The following NOL4 variants were observed in gnomAD, a reference collection of about 807,000 sequenced individuals.
The protein encoded by NOL4 is cancer/testis antigen 125.
Under a neutral mutation model 75.9 loss-of-function variants are expected in NOL4, and 17 were observed. The ratio of observed to expected loss-of-function variants is 0.22; its 90% CI spans 0.15 to 0.34. NOL4 has a LOEUF of 0.34. NOL4 is among the 10% of genes least tolerant of loss of function. The probability of loss-of-function intolerance (pLI) is 1.00; values close to 1 mark genes in which losing one functional copy is unlikely to be tolerated. For missense variants in NOL4, 614 were observed against 793.5 expected (o/e 0.77, Z 2.72); for synonymous variants, 292 against 289.9 (o/e 1.01, Z -0.07).
At chr18:33,933,082 C>A (rs2067810688) in intron 9 of NOL4, among the ~76,000 whole-genome samples, 1 of 152,068 alleles carries the variant, frequency 6.6e-6, no homozygotes, top group South Asian at 2.1e-4. Context: ...CGTTCTAGAC[C>A]ACTGCAATAA....
chr18:34,162,963 C>T (rs892619431), intron 1 of NOL4, among the ~76,000 whole-genome samples: 1 of 152,156 alleles, frequency 6.6e-6, no homozygotes, highest in Non-Finnish European at 1.5e-5. Context: ...TGTAATCCAG[C>T]ATATAAACAG....
chr18:34,090,654 A>G (rs901752731), intron 5 of NOL4, among the ~76,000 whole-genome samples: 1 of 151,160 alleles, frequency 6.6e-6, no homozygotes, highest in Admixed American at 6.6e-5. Context: ...ATGGCACCAG[A>G]AAAAAAAAGG....
At chr18:34,086,834 G>C (rs1444585137) in intron 5 of NOL4, among the ~76,000 whole-genome samples, 1 of 152,056 alleles carries the variant, frequency 6.6e-6, no homozygotes. Flanking sequence ...AAATTTCTTA[G>C]AGTAGAATAG....
chr18:33,873,706 A>G (rs148213293), intron 10 of NOL4, among the ~76,000 whole-genome samples: 13 of 152,146 alleles, frequency 8.5e-5, no homozygotes, highest in African/African-American at 3.1e-4. Flanking sequence ...TCCATTTAAT[A>G]TTTATTGAAC....
At chr18:34,159,780 G>T (rs191461222) in intron 1 of NOL4, among the ~76,000 whole-genome samples, 46 of 152,102 alleles carry the variant, frequency 3.0e-4, no homozygotes, top group Non-Finnish European at 5.3e-4. Flanking sequence ...TGCCCTTCCC[G>T]GGTGTCTGGG....
intron 9 of NOL4, among the ~76,000 whole-genome samples, chr18:33,907,604 A>G (rs1001340269): frequency 5.9e-5 from 9 of 152,264 alleles, no homozygotes; most frequent in South Asian, 2.1e-4. Context: ...ACATTTTTTT[A>G]TAGGAGTTAA....
At chr18:33,865,555 T>C (rs901533672) in intron 10 of NOL4, among the ~76,000 whole-genome samples, 2 of 151,872 alleles carry the variant, frequency 1.3e-5, no homozygotes, top group South Asian at 4.1e-4. Flanking sequence ...TCTGGGTCAC[T>C]GCTATAAAAA....
chr18:34,067,822 T>C (rs1377403776), intron 5 of NOL4, among the ~76,000 whole-genome samples: 1 of 152,096 alleles, frequency 6.6e-6, no homozygotes, highest in African/African-American at 2.4e-5. Flanking sequence ...TTTAATTTTG[T>C]GCCTGAATGG....
chr18:33,973,203 G>C (rs2071219309), intron 6 of NOL4, among the ~76,000 whole-genome samples: 1 of 152,130 alleles, frequency 6.6e-6, no homozygotes. Flanking sequence ...TCTTTACCAG[G>C]AGTAGATGCT....
chr18:33,940,282 G>A (rs990572274), intron 9 of NOL4, among the ~76,000 whole-genome samples: 11 of 152,044 alleles, frequency 7.2e-5, no homozygotes, highest in Non-Finnish European at 1.3e-4. Flanking sequence ...ATTCACAATA[G>A]CAAAGACTTG....
chr18:34,059,876 G>C (rs2077000146), intron 5 of NOL4, among the ~76,000 whole-genome samples: 1 of 152,124 alleles, frequency 6.6e-6, no homozygotes, highest in Admixed American at 6.5e-5. Flanking sequence ...CACCCGGAGA[G>C]AAACAGACCC....
At chr18:34,008,968 G>A (rs961035579) in intron 6 of NOL4, among the ~76,000 whole-genome samples, 1 of 151,912 alleles carries the variant, frequency 6.6e-6, no homozygotes, top group Admixed American at 6.6e-5. Flanking sequence ...CAAGCTTCAC[G>A]CATGTAAATC....
intron 1 of NOL4, among the ~76,000 whole-genome samples, chr18:34,204,159 C>G (rs1000278728): frequency 6.6e-6 from 1 of 152,014 alleles, no homozygotes; most frequent in African/African-American, 2.4e-5. Flanking sequence ...CCTTATTATT[C>G]TGCAATAACA....
At chr18:34,072,661 G>T (rs149937150) in intron 5 of NOL4, among the ~76,000 whole-genome samples, 1 of 152,016 alleles carries the variant, frequency 6.6e-6, no homozygotes, top group African/African-American at 2.4e-5. Context: ...TTTCATGTGC[G>T]CACGAACATT....
At chr18:34,150,654 A>G (rs80207073) in intron 1 of NOL4, among the ~76,000 whole-genome samples, 5,196 of 151,862 alleles carry the variant, frequency 0.034, 93 homozygotes, top group Middle Eastern at 0.048. Flanking sequence ...AGATAAAATA[A>G]GAGAAAATCT....
At chr18:34,182,094 A>G (rs2034088570) in intron 1 of NOL4, among the ~76,000 whole-genome samples, 1 of 151,662 alleles carries the variant, frequency 6.6e-6, no homozygotes, top group Non-Finnish European at 1.5e-5. Context: ...ATATCAGCAC[A>G]AAAACTTATA....
chr18:33,859,810 T>C (rs940105192), intron 10 of NOL4, among the ~76,000 whole-genome samples: 10 of 151,944 alleles, frequency 6.6e-5, no homozygotes, highest in Non-Finnish European at 1.2e-4. Flanking sequence ...TCCCAGCTAA[T>C]TGGGAGGCTA....
At chr18:34,145,405 G>A (rs1344927043) in intron 1 of NOL4, among the ~76,000 whole-genome samples, 1 of 151,516 alleles carries the variant, frequency 6.6e-6, no homozygotes, top group East Asian at 1.9e-4. Flanking sequence ...AAAGCAGTAT[G>A]ATTTAAACTT....
chr18:34,149,431 G>A (rs1181061891), intron 1 of NOL4, among the ~76,000 whole-genome samples: 2 of 151,532 alleles, frequency 1.3e-5, no homozygotes, highest in Admixed American at 6.6e-5. Flanking sequence ...TAGGGTGCAC[G>A]TGGCCACAAA....
Sources: gnomAD v4.1 joint callset for allele counts (sites outside exome capture counted in the v4.1 genomes callset) on GRCh38, gnomAD v4.1.1 for gene constraint, MANE v1.5 for transcripts, NCBI Gene and HGNC (gene_info 2026-07-23, HGNC 2026-07-21) for gene names.